CNOT2: variants seen among roughly 807,000 people sequenced by gnomAD.
The protein encoded by CNOT2 is CC chemokine receptor 4-negative regulator of transcription 2.
A neutral mutation model predicts 72.1 loss-of-function variants in CNOT2; 7 were observed. That is an observed-to-expected ratio of 0.10 (90% CI 0.06 to 0.18). The LOEUF is 0.18. Among genes scored for constraint, CNOT2 ranks in the 10% least tolerant of loss-of-function variants. CNOT2 has a pLI of 1.00. For synonymous variants in CNOT2, 196 were observed against 225.6 expected, an observed-to-expected ratio of 0.87 and a Z score of 1.17; for missense variants, 345 against 660.3, an observed-to-expected ratio of 0.52 and a Z score of 5.23.
intron 1 of CNOT2, among the ~76,000 whole-genome samples, chr12:70,250,644 G>A (rs1958100638): frequency 6.6e-6 from 1 of 152,080 alleles, no homozygotes; most frequent in Non-Finnish European, 1.5e-5. Flanking sequence ...AGATTAAGTA[G>A]GGTGATGAGA....
chr12:70,341,899 T>C, intron 11 of CNOT2: 1 of 598,474 alleles, frequency 1.7e-6, no homozygotes, highest in South Asian at 2.1e-5. Context: ...ATTGCAAGAA[T>C]ACTGAGGGAA....
intron 13 of CNOT2, 71 bp downstream of exon 13, chr12:70,342,378 C>T: frequency 1.3e-6 from 2 of 1,546,712 alleles, no homozygotes; most frequent in South Asian, 2.3e-5. Context: ...TCAGTTCAGG[C>T]AGCATACTAT....
At chr12:70,342,936 T>C (rs1020675678) in intron 13 of CNOT2, among the ~76,000 whole-genome samples, 1 of 152,190 alleles carries the variant, frequency 6.6e-6, no homozygotes, top group African/African-American at 2.4e-5. Context: ...TGTATAAATA[T>C]CTATGTGTAT....
chr12:70,243,596 G>A (rs1957678264), intron 1 of CNOT2, 116 bp downstream of exon 1: 1 of 151,990 alleles, frequency 6.6e-6, no homozygotes, highest in South Asian at 2.1e-4. Context: ...CGCGCCCAGG[G>A]TCCGCCGGTA....
At chr12:70,319,693 C>G (rs1043414844) in intron 4 of CNOT2, among the ~76,000 whole-genome samples, 2 of 150,912 alleles carry the variant, frequency 1.3e-5, no homozygotes, top group Non-Finnish European at 3.0e-5. Flanking sequence ...AAGTTAAAAG[C>G]TTTTTTAGTT....
At chr12:70,328,810 C>A (rs1045090821) in intron 4 of CNOT2, among the ~76,000 whole-genome samples, 2 of 150,644 alleles carry the variant, frequency 1.3e-5, no homozygotes, top group South Asian at 2.1e-4. Context: ...ATTTTGACGT[C>A]TTTTTAAATG....
At chr12:70,259,148 G>A (rs1001948820) in intron 1 of CNOT2, among the ~76,000 whole-genome samples, 1 of 152,146 alleles carries the variant, frequency 6.6e-6, no homozygotes, top group Non-Finnish European at 1.5e-5. Flanking sequence ...GGTCACATAA[G>A]CTAGCCAGTA....
chr12:70,332,643 A>G (rs1209403068), intron 6 of CNOT2, 124 bp from the exon 7 acceptor site: 1 of 1,252,480 alleles, frequency 8.0e-7, no homozygotes, highest in African/African-American at 1.6e-5. Flanking sequence ...GAAAAATAAT[A>G]TTAGTGTTGG....
At chr12:70,278,908 A>G (rs1293572524) in intron 2 of CNOT2, among the ~76,000 whole-genome samples, 1 of 152,222 alleles carries the variant, frequency 6.6e-6, no homozygotes, top group Non-Finnish European at 1.5e-5. Context: ...GGTGAATTTT[A>G]AAGATTGTGC....
At chr12:70,269,748 A>C (rs533646166) in intron 1 of CNOT2, among the ~76,000 whole-genome samples, 4 of 152,180 alleles carry the variant, frequency 2.6e-5, no homozygotes, top group African/African-American at 9.6e-5. Flanking sequence ...AATTTCAGTT[A>C]GAGGTTTGTA....
At chr12:70,244,978 C>T (rs1957808961) in intron 1 of CNOT2, among the ~76,000 whole-genome samples, 1 of 152,090 alleles carries the variant, frequency 6.6e-6, no homozygotes, top group South Asian at 2.1e-4. Context: ...TTAAAGTATC[C>T]ATTTACATGC....
In CNOT2 at chr12:70,319,318, A is replaced by G; in HGVS notation, c.192A>G (p.Thr64=). 7.5e-6 allele frequency: 12 copies of G among 1,610,604 alleles called. No homozygotes were observed. The highest frequency in any genetic ancestry group is 9.3e-6 in the Non-Finnish European group (11 of 1,177,558). The part of the protein sequence containing the change: ...SEKDMLASPS[T]SGQLSQFGAS... ...TCTAGATGCTGGCATCACCATCTAC[A>G]TCAGGTCAGCTGTCTCAGTTTGGGG... The change falls in exon 4 of 16, where the codon ACA becomes ACG. Residue 64 remains threonine (T), a synonymous_variant. Coordinates refer to ENST00000229195, the MANE Select transcript of CNOT2 (RefSeq NM_014515.7).
intron 2 of CNOT2, among the ~76,000 whole-genome samples, chr12:70,278,601 A>G (rs984756211): frequency 4.6e-5 from 7 of 152,228 alleles, no homozygotes; most frequent in African/African-American, 1.7e-4. Flanking sequence ...GCTTTTACGT[A>G]TATTATTCCT....
At chr12:70,258,792 G>T (rs901000074) in intron 1 of CNOT2, among the ~76,000 whole-genome samples, 3 of 152,208 alleles carry the variant, frequency 2.0e-5, no homozygotes, top group African/African-American at 7.2e-5. Context: ...TGTGGTGAGG[G>T]AGCAATCCTG....
Position 70,338,651 on chromosome 12 carries a change from G to A in CNOT2, c.1022-15G>A. The A allele has an allele frequency of 6.2e-7, 1 of 1,603,814 alleles. No individual in the cohort carries two copies. Among genetic ancestry groups the A allele is most frequent in the Non-Finnish European group, 8.5e-7 (1 of 1,176,578 alleles). On this transcript the variant is annotated splice_polypyrimidine_tract_variant and intron_variant, in intron 10 of 15. Transcript: ENST00000229195. ...TTTTCTTGAAAATAAAAGCAACTGT[G>A]TTTTTCCTACCCAGGTCGGGTTACT... is the stretch of plus-strand genomic sequence containing the variant.
chr12:70,266,821 C>T (rs1406305941), intron 1 of CNOT2, among the ~76,000 whole-genome samples: 1 of 151,824 alleles, frequency 6.6e-6, no homozygotes. Flanking sequence ...TGTATGTTTC[C>T]TGTAGACAGC....
At chr12:70,268,332 T>C (rs114106154) in intron 1 of CNOT2, among the ~76,000 whole-genome samples, 1 of 152,352 alleles carries the variant, frequency 6.6e-6, no homozygotes, top group African/African-American at 2.4e-5. Flanking sequence ...CAGTTTGCCA[T>C]ACTTTTTGAT....
intron 3 of CNOT2, among the ~76,000 whole-genome samples, chr12:70,317,611 ATTTTTTTTT>A (rs529433652): frequency 9.5e-6 from 1 of 105,456 alleles, no homozygotes; most frequent in African/African-American, 3.7e-5. Flanking sequence ...ATAAGGTTTG[ATTTTTTTTT>A]TTTTTTTTTT....
intron 2 of CNOT2, among the ~76,000 whole-genome samples, chr12:70,281,362 C>T (rs1869811118): frequency 1.3e-5 from 2 of 152,146 alleles, no homozygotes; most frequent in South Asian, 4.1e-4. Flanking sequence ...GGATTACAGG[C>T]GTGAGCCACC....
Sources: gnomAD v4.1 joint callset for allele counts (sites outside exome capture counted in the v4.1 genomes callset) on GRCh38, gnomAD v4.1.1 for gene constraint, MANE v1.5 for transcripts, NCBI Gene and HGNC (gene_info 2026-07-23, HGNC 2026-07-21) for gene names.